The following AK4 variants were observed in gnomAD, a reference collection of about 807,000 sequenced individuals.
AK4 encodes the protein adenylate kinase 4, mitochondrial.
A neutral mutation model predicts 24.6 loss-of-function variants in AK4; 13 were observed. That is an observed-to-expected ratio of 0.53 (90% CI 0.34 to 0.84). The LOEUF is 0.84. Among genes scored for constraint, AK4 ranks in the 40% least tolerant of loss-of-function variants. The pLI is 0.01. For synonymous variants in AK4, 88 were observed against 107.0 expected (o/e 0.82, Z 1.10); for missense variants, 192 against 288.2 (o/e 0.67, Z 2.42).
chr1:65,149,977 A>G (rs1056628532), intron 1 of AK4, among the ~76,000 whole-genome samples: 2 of 152,290 alleles, frequency 1.3e-5, no homozygotes, highest in East Asian at 1.9e-4. Context: ...GGGCTTCTTC[A>G]TGGTAGGGGC....
At chr1:65,202,943 C>T (rs911078265) in intron 2 of AK4, among the ~76,000 whole-genome samples, 4 of 136,578 alleles carry the variant, frequency 2.9e-5, no homozygotes, top group African/African-American at 1.1e-4. Context: ...ACCATCATAG[C>T]TCACTGCAGC....
intron 1 of AK4, among the ~76,000 whole-genome samples, chr1:65,169,984 G>A (rs1490481079): frequency 1.3e-5 from 2 of 152,056 alleles, no homozygotes; most frequent in Non-Finnish European, 2.9e-5. Context: ...GGTTAGTTTT[G>A]TAGAGGAAAT....
intron 1 of AK4, among the ~76,000 whole-genome samples, chr1:65,152,262 T>G (rs982151632): frequency 6.7e-6 from 1 of 148,848 alleles, no homozygotes; most frequent in Non-Finnish European, 1.5e-5. Context: ...GGAAGCATCT[T>G]GGAGTTAATT....
chr1:65,198,255 G>A (rs1015686372), intron 2 of AK4, among the ~76,000 whole-genome samples: 1 of 152,192 alleles, frequency 6.6e-6, no homozygotes, highest in Non-Finnish European at 1.5e-5. Flanking sequence ...TGTAAAATTT[G>A]TGGAGCTCTA....
At chr1:65,203,723 T>C (rs1651733181) in intron 2 of AK4, among the ~76,000 whole-genome samples, 1 of 152,070 alleles carries the variant, frequency 6.6e-6, no homozygotes, top group African/African-American at 2.4e-5. Flanking sequence ...GAGAATTGCT[T>C]GAACCTGGGA....
intron 2 of AK4, among the ~76,000 whole-genome samples, chr1:65,210,000 AT>A (rs1433680449): frequency 6.6e-6 from 1 of 152,070 alleles, no homozygotes; most frequent in Non-Finnish European, 1.5e-5. Flanking sequence ...TAGAGACAGG[AT>A]CTCACTTTGT....
chr1:65,177,133 A>T (rs1240806368), intron 1 of AK4, among the ~76,000 whole-genome samples: 1 of 152,202 alleles, frequency 6.6e-6, no homozygotes, highest in Non-Finnish European at 1.5e-5. Context: ...TTGAAGACCA[A>T]CAATAATTGC....
chr1:65,159,287 A>G (rs1424406568), intron 1 of AK4, among the ~76,000 whole-genome samples: 4 of 152,222 alleles, frequency 2.6e-5, no homozygotes, highest in Non-Finnish European at 5.9e-5. Context: ...ATTATCTCTA[A>G]TTCCCACACA....
chr1:65,184,940 C>T (rs1241401335), intron 1 of AK4, among the ~76,000 whole-genome samples: 3 of 152,216 alleles, frequency 2.0e-5, no homozygotes, highest in Non-Finnish European at 4.4e-5. Flanking sequence ...AGAGCCAAAG[C>T]TGGCAGGAAT....
chr1:65,214,555 G>C (rs1202080136), intron 2 of AK4, among the ~76,000 whole-genome samples: 1 of 152,150 alleles, frequency 6.6e-6, no homozygotes, highest in Non-Finnish European at 1.5e-5. Context: ...TACAGGTAGA[G>C]ATAAATCTAG....
At chr1:65,185,494 C>T (rs997420921) in intron 1 of AK4, among the ~76,000 whole-genome samples, 9 of 152,142 alleles carry the variant, frequency 5.9e-5, no homozygotes, top group African/African-American at 2.2e-4. Context: ...ACCAAAGGGC[C>T]CCACATCTCT....
rs1392904404 is a variant in AK4, at chr1:65,181,575, C to CG, written c.146-9131dup. Among the ~76,000 whole-genome samples, 5 of 152,042 alleles carry CG rather than the reference C, an allele frequency of 3.3e-5. No individual in the cohort carries two copies. The East Asian group carries it at 9.7e-4, about 30-fold the overall frequency. Reference sequence around the variant, plus strand: ...CTAATTTTGGTATTTTTAGCAGAGACGGGGATTCGCCATTGTTGGCCAGGC... The same window carrying CG: ...CTAATTTTGGTATTTTTAGCAGAGACGGGGGATTCGCCATTGTTGGCCAGGC... On this transcript the variant is annotated intron_variant, in intron 1 of 4. Coordinates refer to ENST00000327299, the MANE Select transcript of AK4 (RefSeq NM_013410.4).
At chr1:65,204,775 T>G (rs554232424) in intron 2 of AK4, among the ~76,000 whole-genome samples, 1 of 152,232 alleles carries the variant, frequency 6.6e-6, no homozygotes, top group Admixed American at 6.5e-5. Context: ...CCAGTTTTTG[T>G]TGGCTTTTGT....
intron 1 of AK4, among the ~76,000 whole-genome samples, chr1:65,183,789 AG>A (rs1650995223): frequency 6.6e-6 from 1 of 151,956 alleles, no homozygotes; most frequent in Non-Finnish European, 1.5e-5. Flanking sequence ...ACCAGCCTTA[AG>A]ATGATGCAGA....
chr1:65,202,576 A>G (rs1651694517), intron 2 of AK4, among the ~76,000 whole-genome samples: 1 of 152,116 alleles, frequency 6.6e-6, no homozygotes, highest in Non-Finnish European at 1.5e-5. Flanking sequence ...AAGGTACAGG[A>G]TGAAATACTT....
chr1:65,202,754 C>T (rs1651698880), intron 2 of AK4, among the ~76,000 whole-genome samples: 1 of 151,754 alleles, frequency 6.6e-6, no homozygotes, highest in South Asian at 2.1e-4. Context: ...AATTATTGTG[C>T]ACTTACAATG....
intron 3 of AK4, among the ~76,000 whole-genome samples, chr1:65,219,236 A>G (rs1482113579): frequency 1.3e-5 from 2 of 151,708 alleles, no homozygotes; most frequent in African/African-American, 4.8e-5. Flanking sequence ...ATAAAACTAA[A>G]AGTCTATTGC....
chr1:65,153,876 C>G (rs528667176), intron 1 of AK4, among the ~76,000 whole-genome samples: 3 of 152,148 alleles, frequency 2.0e-5, no homozygotes, highest in African/African-American at 7.2e-5. Context: ...CATAGCGTGT[C>G]TGAGGAACAG....
chr1:65,152,733 AGT>A (rs1557434827), intron 1 of AK4, among the ~76,000 whole-genome samples: 1 of 151,938 alleles, frequency 6.6e-6, no homozygotes, highest in Non-Finnish European at 1.5e-5. Context: ...CTCTTGCTGG[AGT>A]TTTGCTGATG....
Sources: gnomAD v4.1 joint callset for allele counts (sites outside exome capture counted in the v4.1 genomes callset) on GRCh38, gnomAD v4.1.1 for gene constraint, MANE v1.5 for transcripts, NCBI Gene and HGNC (gene_info 2026-07-23, HGNC 2026-07-21) for gene names.